The following ALS2 variants were observed in gnomAD, a reference collection of about 807,000 sequenced individuals.
The protein encoded by ALS2 is alsin.
ALS2 carries 117 observed loss-of-function variants against 203.4 expected under a neutral mutation model. That is an observed-to-expected ratio of 0.58 (90% CI 0.50 to 0.67). The LOEUF is 0.67. ALS2 is among the 30% of genes least tolerant of loss of function. The probability of loss-of-function intolerance (pLI) is 0.00; values close to 1 mark genes in which losing one functional copy is unlikely to be tolerated. For synonymous variants in ALS2, 718 were observed against 725.9 expected (o/e 0.99, Z 0.17); for missense variants, 1,715 against 1,989.4 (o/e 0.86, Z 2.62).
At chr2:201,770,670 A>G (rs898612087) in intron 1 of ALS2, among the ~76,000 whole-genome samples, 5 of 152,188 alleles carry the variant, frequency 3.3e-5, no homozygotes, top group African/African-American at 1.2e-4. Flanking sequence ...AATCATAAAC[A>G]TCCTTAAAAG....
intron 21 of ALS2, among the ~76,000 whole-genome samples, chr2:201,723,678 T>C (rs1004110434): frequency 2.6e-5 from 4 of 152,352 alleles, no homozygotes; most frequent in African/African-American, 9.6e-5. Context: ...GATCTGTATA[T>C]ATCCCAGGTA....
At chr2:201,743,726 C>T (rs1275436832) in intron 10 of ALS2, among the ~76,000 whole-genome samples, 2 of 152,170 alleles carry the variant, frequency 1.3e-5, no homozygotes, top group East Asian at 1.9e-4. Context: ...CTGCCCTCCT[C>T]GGCCTCCCAG....
intron 27 of ALS2, among the ~76,000 whole-genome samples, 193 bp from the exon 28 acceptor site, chr2:201,708,184 C>T (rs1445812669): frequency 6.6e-6 from 1 of 152,070 alleles, no homozygotes; most frequent in African/African-American, 2.4e-5. Flanking sequence ...ACAAAATCTT[C>T]ACGTGCTATG....
intron 31 of ALS2, among the ~76,000 whole-genome samples, 157 bp from the exon 32 acceptor site, chr2:201,704,760 T>C (rs1689598465): frequency 6.6e-6 from 1 of 152,198 alleles, no homozygotes; most frequent in African/African-American, 2.4e-5. Flanking sequence ...TGTACTCCCA[T>C]GGTGCTATGA....
chr2:201,704,261 T>A, intron 32 of ALS2, 43 bp from the exon 33 acceptor site: 1 of 1,563,432 alleles, frequency 6.4e-7, no homozygotes, highest in Non-Finnish European at 8.8e-7. Context: ...TTCACTTACA[T>A]GTCCATTCTC....
intron 8 of ALS2, among the ~76,000 whole-genome samples, chr2:201,747,489 C>T (rs1381466216): frequency 2.9e-5 from 4 of 138,880 alleles, no homozygotes; most frequent in Admixed American, 7.1e-5. Context: ...GAGACTCTTT[C>T]GCCCAGGCTG....
chr2:201,772,648 A>G (rs1694452076), intron 1 of ALS2, among the ~76,000 whole-genome samples: 1 of 152,166 alleles, frequency 6.6e-6, no homozygotes, highest in Non-Finnish European at 1.5e-5. Flanking sequence ...TCCAAAATGC[A>G]CCTTGCCCCA....
chr2:201,754,158 G>A (rs1693243554), intron 6 of ALS2, among the ~76,000 whole-genome samples: 1 of 151,876 alleles, frequency 6.6e-6, no homozygotes, highest in Non-Finnish European at 1.5e-5. Context: ...AATTATAGGA[G>A]CCCACCACCA....
intron 1 of ALS2, among the ~76,000 whole-genome samples, chr2:201,780,484 C>G (rs1694851332): frequency 6.6e-6 from 1 of 152,238 alleles, no homozygotes; most frequent in Non-Finnish European, 1.5e-5. Flanking sequence ...AGTTTATCAG[C>G]TCAGCGCCTA....
chr2:201,709,091 T>C (rs1394175382), intron 27 of ALS2, among the ~76,000 whole-genome samples: 3 of 152,242 alleles, frequency 2.0e-5, no homozygotes, highest in Non-Finnish European at 4.4e-5. Flanking sequence ...ACTTGTTGGC[T>C]TCAACTCAGT....
intron 28 of ALS2, 114 bp from the exon 29 acceptor site, chr2:201,707,136 A>G: frequency 3.2e-6 from 3 of 936,044 alleles, no homozygotes; most frequent in Non-Finnish European, 5.0e-6. Context: ...GAAGTTTTAA[A>G]GAAGTTATAA....
At chr2:201,779,595 A>G (rs1405954469) in intron 1 of ALS2, among the ~76,000 whole-genome samples, 1 of 152,236 alleles carries the variant, frequency 6.6e-6, no homozygotes. Flanking sequence ...AATTAATTAT[A>G]AAAACAGCTA....
intron 4 of ALS2, chr2:201,760,275 C>T: frequency 1.1e-6 from 1 of 917,444 alleles, no homozygotes; most frequent in Non-Finnish European, 1.3e-6. Flanking sequence ...CGCATTACTG[C>T]ACTCCAGCCT....
At chr2:201,718,045 T>A in intron 24 of ALS2, 32 bp downstream of exon 24, 1 of 1,608,028 alleles carries the variant, frequency 6.2e-7, no homozygotes, top group Middle Eastern at 1.7e-4. Context: ...AAACATTCAA[T>A]AATTAATCCA....
intron 3 of ALS2, chr2:201,765,639 TAATA>T (rs1236715602): frequency 3.1e-5 from 5 of 162,496 alleles, no homozygotes; most frequent in African/African-American, 1.2e-4. Context: ...TTTAATACCT[TAATA>T]AATACTTACA....
intron 13 of ALS2, 90 bp from the exon 14 acceptor site, chr2:201,729,273 G>GT: frequency 1.4e-6 from 2 of 1,406,114 alleles, no homozygotes; most frequent in Admixed American, 4.2e-5. Flanking sequence ...TAGACATATA[G>GT]TATTAAATGT....
At chr2:201,709,787 A>G in intron 27 of ALS2, 94 bp downstream of exon 27, 1 of 1,496,068 alleles carries the variant, frequency 6.7e-7, no homozygotes, top group Non-Finnish European at 9.2e-7. Context: ...TGTGGCATAA[A>G]ACTATTTTCT....
chr2:201,770,186 C>A (rs189288213), intron 1 of ALS2, among the ~76,000 whole-genome samples: 2 of 152,148 alleles, frequency 1.3e-5, no homozygotes, highest in Non-Finnish European at 2.9e-5. Context: ...GGAGTTACTA[C>A]GCCCTTGATT....
rs766225716 is a variant in ALS2, at chr2:201,729,036, A to C, written c.2712+16T>G. The C allele has an allele frequency of 3.3e-5, 53 of 1,614,026 alleles. No individual in the cohort carries two copies. Among genetic ancestry groups the C allele is most frequent in the Admixed American group, 3.0e-4 (18 of 60,006 alleles). On this transcript the variant is annotated intron_variant, in intron 14 of 33. Coordinates refer to ENST00000264276, the MANE Select transcript of ALS2 (RefSeq NM_020919.4). ...GCTGTTTGCTAGGGTAACAAATGAC[A>C]ACTGGCATGGCTTACCGTCATTTTT...
Sources: allele counts gnomAD v4.1 joint callset (sites outside exome capture counted in the v4.1 genomes callset), GRCh38; gene constraint gnomAD v4.1.1; transcripts MANE v1.5; gene names NCBI Gene and HGNC (gene_info 2026-07-23, HGNC 2026-07-21).